The following UBE3C variants were observed in gnomAD, a reference collection of about 807,000 sequenced individuals.
The protein encoded by UBE3C is ubiquitin protein ligase E3C.
A neutral mutation model predicts 129.4 loss-of-function variants in UBE3C; 42 were observed. The ratio of observed to expected loss-of-function variants is 0.32; its 90% CI spans 0.25 to 0.42. The LOEUF (loss-of-function observed/expected upper bound fraction) is 0.42. Ranked by LOEUF, UBE3C falls within the 10% of genes least tolerant of loss-of-function variation. The pLI is 1.00. For missense variants in UBE3C, 1,049 were observed against 1,319.1 expected (o/e 0.80, Z 3.17); for synonymous variants, 510 against 492.4 (o/e 1.04, Z -0.47).
In UBE3C at chr7:157,139,054, C is replaced by G. The variant is rs1393376585; in HGVS notation, c.-219C>G. On this transcript the variant is annotated 5_prime_UTR_variant, in exon 1 of 23. Coordinates refer to ENST00000348165, the MANE Select transcript of UBE3C (RefSeq NM_014671.3). The stretch of plus-strand genomic sequence containing the variant: ...GTGGCCGGCGTGGATGAGGGGCAGG[C>G]GAGGCAGGGCCGCCCCTCCAGTATT... 1 of 157,626 alleles carries G rather than the reference C, an allele frequency of 6.3e-6. No individual in the cohort carries two copies. Among genetic ancestry groups the G allele is most frequent in the Non-Finnish European group, 1.4e-5 (1 of 72,672 alleles). The allele number at this position is 157,626 out of a possible 1,614,324, so 9.8% of individuals were successfully genotyped here. A position where few individuals can be genotyped will look rare whatever the true frequency, so the allele number is the denominator to read the frequency against.
intron 22 of UBE3C, among the ~76,000 whole-genome samples, chr7:157,267,128 A>G (rs1432212444): frequency 6.6e-6 from 1 of 152,168 alleles, no homozygotes; most frequent in Non-Finnish European, 1.5e-5. Context: ...TAATTTTTTA[A>G]AAAAGCAAAT....
intron 9 of UBE3C, among the ~76,000 whole-genome samples, chr7:157,184,591 T>C (rs535613239): frequency 6.6e-6 from 1 of 152,358 alleles, no homozygotes; most frequent in African/African-American, 2.4e-5. Context: ...TCTTAAGCAA[T>C]TGAAATGGCT....
At chr7:157,190,353 C>T (rs189202461) in intron 10 of UBE3C, among the ~76,000 whole-genome samples, 17 of 152,056 alleles carry the variant, frequency 1.1e-4, no homozygotes, top group East Asian at 9.7e-4. Flanking sequence ...TGAACAGGCC[C>T]GTCATCTACT....
At chr7:157,208,001 G>A (rs990007094) in intron 13 of UBE3C, 66 bp downstream of exon 13, 3 of 948,050 alleles carry the variant, frequency 3.2e-6, no homozygotes, top group East Asian at 4.3e-5. Context: ...GTCTTGACTC[G>A]TTGCAGAGGA....
rs1808740861 is a variant in UBE3C, at chr7:157,184,008, A to G, written c.1122A>G (p.Glu374=). Residue 374 remains glutamate (E), a synonymous_variant, in exon 9 of 23, where the codon GAA becomes GAG. Coordinates refer to ENST00000348165, the MANE Select transcript of UBE3C (RefSeq NM_014671.3). Reference sequence around the variant, plus strand: ...GTGACTCTGAGGAGGAGAGTGAAGAAGCCGACAAGCCCTCAAGCCCGGTAA... The same window carrying G: ...GTGACTCTGAGGAGGAGAGTGAAGAGGCCGACAAGCCCTCAAGCCCGGTAA... ...SASDSEEESE[E]ADKPSSPEDG... 1.2e-6 allele frequency: 2 copies of G among 1,614,146 alleles called. No individual in the cohort carries two copies. Among genetic ancestry groups the G allele is most frequent in the Non-Finnish European group, 1.7e-6 (2 of 1,180,014 alleles).
At chr7:157,219,837 T>C (rs931728683) in intron 14 of UBE3C, among the ~76,000 whole-genome samples, 1 of 151,850 alleles carries the variant, frequency 6.6e-6, no homozygotes, top group African/African-American at 2.4e-5. Context: ...AGGCAGAGGT[T>C]GCAGTGAGCC....
At chr7:157,187,431 G>T (rs1285990239) in intron 10 of UBE3C, among the ~76,000 whole-genome samples, 3 of 147,722 alleles carry the variant, frequency 2.0e-5, no homozygotes, top group Non-Finnish European at 4.4e-5. Context: ...CTGTTGCCCA[G>T]AGTGCAGTGG....
chr7:157,182,994 G>A (rs982002684), intron 8 of UBE3C, among the ~76,000 whole-genome samples: 1 of 152,110 alleles, frequency 6.6e-6, no homozygotes, highest in Non-Finnish European at 1.5e-5. Context: ...TGATCCACCC[G>A]CCTCGGCTTC....
At chr7:157,197,752 C>T (rs1809163042) in intron 10 of UBE3C, 2 of 1,611,592 alleles carry the variant, frequency 1.2e-6, no homozygotes, top group Admixed American at 1.7e-5. Context: ...AAGTTCCGGA[C>T]ATCCAGGATC....
chr7:157,157,277 G>T (rs560811079), intron 1 of UBE3C, among the ~76,000 whole-genome samples: 2 of 152,250 alleles, frequency 1.3e-5, no homozygotes, highest in East Asian at 3.9e-4. Context: ...TCTTAAGCGA[G>T]AAATTTGACT....
intron 13 of UBE3C, among the ~76,000 whole-genome samples, chr7:157,211,819 A>G (rs999193260): frequency 6.6e-6 from 1 of 152,176 alleles, no homozygotes; most frequent in African/African-American, 2.4e-5. Context: ...GAATTCACAC[A>G]GGGTGCCTGT....
intron 19 of UBE3C, 66 bp from the exon 20 acceptor site, chr7:157,253,888 T>G: frequency 7.0e-7 from 1 of 1,438,434 alleles, no homozygotes; most frequent in Non-Finnish European, 9.4e-7. Flanking sequence ...ATTTGTTTCT[T>G]GCTTTTTTTT....
At chr7:157,208,705 C>A (rs574236784) in intron 13 of UBE3C, among the ~76,000 whole-genome samples, 49 of 152,174 alleles carry the variant, frequency 3.2e-4, no homozygotes, top group Non-Finnish European at 5.9e-4. Flanking sequence ...AACATATCTT[C>A]GTTCTTAACC....
At chr7:157,244,948 G>A (rs1261482315) in intron 18 of UBE3C, among the ~76,000 whole-genome samples, 2 of 152,158 alleles carry the variant, frequency 1.3e-5, no homozygotes, top group African/African-American at 4.8e-5. Context: ...ATGCTAAGTG[G>A]ATTATTTTGC....
chr7:157,210,232 G>A lies in UBE3C; in HGVS notation c.1809+2297G>A, dbSNP rs143417215. Among the ~76,000 whole-genome samples, 382 of 152,086 alleles carry A rather than the reference G, an allele frequency of 2.5e-3. 7 individuals are homozygous for A. The highest frequency in any genetic ancestry group is 8.9e-3 in the African/African-American group (368 of 41,490). On this transcript the variant is annotated intron_variant, in intron 13 of 22. Transcript: ENST00000348165. The stretch of plus-strand genomic sequence containing the variant: ...TTTGTTGGTGGTGGTGATTGTTTTA[G>A]GTTTGAAATCAAGTTGTTGTAAGAC...
At chr7:157,187,874 C>A (rs1808855979) in intron 10 of UBE3C, among the ~76,000 whole-genome samples, 1 of 152,176 alleles carries the variant, frequency 6.6e-6, no homozygotes, top group South Asian at 2.1e-4. Context: ...CCACACCCAG[C>A]CTTCATAGTA....
At chr7:157,211,322 T>A (rs1809589876) in intron 13 of UBE3C, among the ~76,000 whole-genome samples, 2 of 152,220 alleles carry the variant, frequency 1.3e-5, no homozygotes, top group African/African-American at 4.8e-5. Flanking sequence ...CATGCGACCA[T>A]TTGACTATGT....
chr7:157,198,442 C>T (rs1051655315), intron 10 of UBE3C: 17 of 529,564 alleles, frequency 3.2e-5, no homozygotes, highest in South Asian at 1.7e-4. Context: ...AAATCCTGTG[C>T]GCTCGGAGGC....
chr7:157,189,966 A>G (rs971390402), intron 10 of UBE3C, among the ~76,000 whole-genome samples: 1 of 151,900 alleles, frequency 6.6e-6, no homozygotes, highest in African/African-American at 2.4e-5. Context: ...ATGCCCAGCT[A>G]ATTTTTGTAT....
Sources: gnomAD v4.1 joint callset for allele counts (sites outside exome capture counted in the v4.1 genomes callset) on GRCh38, gnomAD v4.1.1 for gene constraint, MANE v1.5 for transcripts, NCBI Gene and HGNC (gene_info 2026-07-23, HGNC 2026-07-21) for gene names.